Variants in UTRN observed in about 807,000 individuals in gnomAD.
The protein encoded by UTRN is dystrophin-related protein 1.
A neutral mutation model predicts 463.9 loss-of-function variants in UTRN; 283 were observed. The ratio of observed to expected loss-of-function variants is 0.61; its 90% CI spans 0.55 to 0.67. The LOEUF (loss-of-function observed/expected upper bound fraction) is 0.67, where lower values mean the gene tolerates loss of function less well. UTRN is among the 30% of genes least tolerant of loss of function. The pLI, the probability that UTRN is intolerant of heterozygous loss-of-function variation, is 0.00. For synonymous variants in UTRN, 1,442 were observed against 1,431.5 expected (o/e 1.01, Z -0.17); for missense variants, 3,922 against 4,084.3 (o/e 0.96, Z 1.08).
In UTRN at chr6:144,542,992, T is replaced by G; in HGVS notation, c.6595+122T>G. Reference sequence around the variant, plus strand: ...GTCGTGCCATTTTCTTTATTTAATCTACTTTCAATGATTTGGAAAGAACAT... The same window carrying G: ...GTCGTGCCATTTTCTTTATTTAATCGACTTTCAATGATTTGGAAAGAACAT... On this transcript the variant is annotated intron_variant, in intron 46 of 74. Transcript: ENST00000367545. 3 of 795,684 alleles carry G rather than the reference T, an allele frequency of 3.8e-6. No individual in the cohort carries two copies. In the South Asian group the frequency reaches 5.4e-5, roughly 14 times the overall value. The allele number at this position is 795,684 out of a possible 1,614,324, so 49.3% of individuals were successfully genotyped here.
chr6:144,838,469 G>A (rs1781287417), intron 71 of UTRN, among the ~76,000 whole-genome samples: 1 of 152,172 alleles, frequency 6.6e-6, no homozygotes, highest in African/African-American at 2.4e-5. Flanking sequence ...TGTAACATCT[G>A]CATTCCCTAT....
chr6:144,656,475 G>A (rs764255588), intron 51 of UTRN, among the ~76,000 whole-genome samples: 4 of 152,164 alleles, frequency 2.6e-5, no homozygotes, highest in Admixed American at 6.5e-5. Context: ...GCAGTGGCAC[G>A]ATCTCGGCTC....
intron 2 of UTRN, among the ~76,000 whole-genome samples, chr6:144,379,387 G>A (rs1384726798): frequency 6.6e-6 from 1 of 152,092 alleles, no homozygotes; most frequent in Admixed American, 6.5e-5. Context: ...AAGCTTGACC[G>A]AGGCTAGAGG....
intron 64 of UTRN, among the ~76,000 whole-genome samples, chr6:144,798,906 T>C (rs926936613): frequency 6.6e-6 from 1 of 152,352 alleles, no homozygotes; most frequent in South Asian, 2.1e-4. Context: ...CACACCCAGC[T>C]AATTTTTGTA....
intron 39 of UTRN, among the ~76,000 whole-genome samples, chr6:144,521,179 A>T (rs1796057286): frequency 6.6e-6 from 1 of 152,128 alleles, no homozygotes; most frequent in Non-Finnish European, 1.5e-5. Context: ...CCAGCTACTC[A>T]GGAGGCTGAG....
intron 58 of UTRN, among the ~76,000 whole-genome samples, chr6:144,761,420 T>G (rs1218584347): frequency 1.3e-5 from 2 of 152,032 alleles, no homozygotes; most frequent in Non-Finnish European, 2.9e-5. Context: ...CTTGGGAGGC[T>G]GAGGCGGGTG....
chr6:144,555,003 T>C, intron 49 of UTRN, 110 bp downstream of exon 49: 1 of 1,233,434 alleles, frequency 8.1e-7, no homozygotes, highest in Non-Finnish European at 1.1e-6. Flanking sequence ...TTTCCTAAGT[T>C]CTTAGAGTGT....
At chr6:144,647,114 A>T (rs1291953777) in intron 51 of UTRN, among the ~76,000 whole-genome samples, 3 of 152,196 alleles carry the variant, frequency 2.0e-5, no homozygotes, top group African/African-American at 7.2e-5. Flanking sequence ...GTATTGGATA[A>T]TACTCAGTTT....
intron 46 of UTRN, among the ~76,000 whole-genome samples, chr6:144,546,368 CA>C (rs1798407976): frequency 2.0e-5 from 3 of 152,152 alleles, no homozygotes. Context: ...TGAGGACCCT[CA>C]AATAGCTTTT....
chr6:144,323,808 G>A (rs1225582408), intron 2 of UTRN, among the ~76,000 whole-genome samples: 3 of 152,146 alleles, frequency 2.0e-5, no homozygotes, highest in Admixed American at 6.5e-5. Flanking sequence ...TAATTTGGGC[G>A]AAAGCTTGCA....
At chr6:144,300,772 T>A (rs17073596) in intron 2 of UTRN, among the ~76,000 whole-genome samples, 31,890 of 152,096 alleles carry the variant, frequency 0.21, 6,491 homozygotes, top group African/African-American at 0.53. Flanking sequence ...GCCATGTTCA[T>A]ATGTGGAGTA....
At chr6:144,567,641 G>A (rs1193577684) in intron 50 of UTRN, among the ~76,000 whole-genome samples, 1 of 152,196 alleles carries the variant, frequency 6.6e-6, no homozygotes, top group African/African-American at 2.4e-5. Context: ...ATTACCTTGT[G>A]AAGGTGCTCA....
chr6:144,348,492 T>C (rs1244954396), intron 2 of UTRN, among the ~76,000 whole-genome samples: 2 of 152,184 alleles, frequency 1.3e-5, no homozygotes, highest in East Asian at 3.8e-4. Context: ...TCTGGGAAGA[T>C]ATCTTAGGAC....
chr6:144,557,008 A>G (rs1264205902), intron 49 of UTRN, 149 bp from the exon 50 acceptor site: 22 of 953,746 alleles, frequency 2.3e-5, no homozygotes, highest in South Asian at 3.1e-5. Context: ...TTAAGCTTAC[A>G]TATAACAAAA....
intron 34 of UTRN, among the ~76,000 whole-genome samples, chr6:144,501,940 T>TA (rs1198236441): frequency 6.6e-6 from 1 of 152,158 alleles, no homozygotes; most frequent in African/African-American, 2.4e-5. Flanking sequence ...ATAGCGCTGT[T>TA]AAAAATACCG....
chr6:144,423,809 A>G (rs180987962), intron 5 of UTRN, among the ~76,000 whole-genome samples, 177 bp from the exon 6 acceptor site: 1 of 152,286 alleles, frequency 6.6e-6, no homozygotes, highest in East Asian at 1.9e-4. Context: ...GGCTGTATTG[A>G]TCTGTAGTAT....
intron 51 of UTRN, among the ~76,000 whole-genome samples, chr6:144,674,016 T>C (rs1209130110): frequency 6.6e-6 from 1 of 152,208 alleles, no homozygotes; most frequent in Non-Finnish European, 1.5e-5. Context: ...AAATCTGCTG[T>C]TAATCTTATA....
At chr6:144,437,503 C>G (rs1218671407) in intron 10 of UTRN, 62 bp from the exon 11 acceptor site, 7 of 1,462,804 alleles carry the variant, frequency 4.8e-6, no homozygotes, top group African/African-American at 4.3e-5. Context: ...GCAATTTGTT[C>G]AGTCTTCCTT....
At chr6:144,296,966 G>T (rs566619308) in intron 2 of UTRN, among the ~76,000 whole-genome samples, 1 of 152,164 alleles carries the variant, frequency 6.6e-6, no homozygotes, top group Non-Finnish European at 1.5e-5. Context: ...TAGCAAAGGG[G>T]AAAATACCAG....
Sources: allele counts gnomAD v4.1 joint callset (sites outside exome capture counted in the v4.1 genomes callset), GRCh38; gene constraint gnomAD v4.1.1; transcripts MANE v1.5; gene names NCBI Gene and HGNC (gene_info 2026-07-23, HGNC 2026-07-21).